PVT1: variants seen among roughly 807,000 people sequenced by gnomAD.
PVT1 encodes Pvt1 oncogene.
rs1206004213 is a variant in PVT1, at chr8:127,982,680, A to AATT, written n.783-6481_783-6480insTTA. On this transcript the variant is annotated intron_variant and non_coding_transcript_variant, in intron 3 of 10. Transcript: ENST00000651587. The stretch of plus-strand genomic sequence containing the variant: ...TTAATTAATTAATTAATTAATTAAT[A>AATT]AAATAAATGAATCAATTAAAAGAAT... Among the ~76,000 whole-genome samples, 282 of 109,990 alleles carry AATT rather than the reference A, an allele frequency of 2.6e-3. 1 individual carries two copies. The highest frequency in any genetic ancestry group is 3.3e-3 in the African/African-American group (52 of 15,922). 72.2% of individuals were successfully genotyped at this position (109,990 alleles called of 152,430 possible). A position where few individuals can be genotyped will look rare whatever the true frequency, so the allele number is the denominator to read the frequency against.
At chr8:128,002,416 G>C (rs1266169908) in intron 4 of PVT1, among the ~76,000 whole-genome samples, 3 of 152,134 alleles carry the variant, frequency 2.0e-5, no homozygotes, top group Non-Finnish European at 4.4e-5. Flanking sequence ...TAGTTTCCTA[G>C]AGCTGCTATA....
intron 4 of PVT1, among the ~76,000 whole-genome samples, chr8:128,025,847 A>T (rs1176298861): frequency 6.6e-6 from 1 of 152,194 alleles, no homozygotes; most frequent in African/African-American, 2.4e-5. Flanking sequence ...CAGGTGAGGC[A>T]ACTGAGGCCA....
chr8:127,858,802 ATTCTTTTTTT>A (rs1414886126), intron 2 of PVT1, among the ~76,000 whole-genome samples: 1 of 38,362 alleles, frequency 2.6e-5, no homozygotes, highest in East Asian at 7.1e-4. Flanking sequence ...ACACTTGAAG[ATTCTTTTTTT>A]TTTTTTTTTT....
chr8:128,028,749 G>A (rs555688831), intron 4 of PVT1, among the ~76,000 whole-genome samples: 94 of 152,302 alleles, frequency 6.2e-4, no homozygotes, highest in Non-Finnish European at 1.1e-3. Context: ...GTTAATATGT[G>A]GGGGATCATC....
intron 2 of PVT1, among the ~76,000 whole-genome samples, chr8:127,854,426 G>T (rs1260445219): frequency 6.6e-6 from 1 of 152,202 alleles, no homozygotes; most frequent in Non-Finnish European, 1.5e-5. Context: ...ACTGGACAGT[G>T]AGTGCCTTGT....
intron 3 of PVT1, among the ~76,000 whole-genome samples, chr8:127,939,317 T>C (rs1816315937): frequency 6.6e-6 from 1 of 152,164 alleles, no homozygotes; most frequent in African/African-American, 2.4e-5. Flanking sequence ...GATGGGGGCC[T>C]ACGACCGCAG....
chr8:128,021,857 C>T (rs370392983), intron 4 of PVT1, among the ~76,000 whole-genome samples: 1 of 152,112 alleles, frequency 6.6e-6, no homozygotes, highest in African/African-American at 2.4e-5. Flanking sequence ...TGGCATGCAT[C>T]AGTATGTTTG....
chr8:128,077,882 T>C (rs1271369992), intron 5 of PVT1, among the ~76,000 whole-genome samples: 1 of 152,258 alleles, frequency 6.6e-6, no homozygotes, highest in Non-Finnish European at 1.5e-5. Context: ...GATTCACAGA[T>C]ACTTGATCTG....
At chr8:128,033,584 G>T (rs1232342723) in intron 4 of PVT1, among the ~76,000 whole-genome samples, 1 of 152,206 alleles carries the variant, frequency 6.6e-6, no homozygotes, top group Non-Finnish European at 1.5e-5. Context: ...GTCTTCAGAA[G>T]AAGGTCTTTT....
chr8:127,820,261 GCAAACATACA>G (rs1173275331), intron 2 of PVT1, among the ~76,000 whole-genome samples: 2 of 152,090 alleles, frequency 1.3e-5, no homozygotes, highest in African/African-American at 4.8e-5. Flanking sequence ...GGGGCCAAGG[GCAAACATACA>G]CCCCTCCCAG....
intron 4 of PVT1, among the ~76,000 whole-genome samples, chr8:128,003,823 C>T (rs968596527): frequency 6.6e-6 from 1 of 152,218 alleles, no homozygotes; most frequent in Non-Finnish European, 1.5e-5. Context: ...ATTTATGAAG[C>T]GTCTCTGTCT....
chr8:128,094,896 T>C (rs143011390), intron 5 of PVT1, among the ~76,000 whole-genome samples: 1 of 152,282 alleles, frequency 6.6e-6, no homozygotes, highest in East Asian at 1.9e-4. Flanking sequence ...TATGGGACTG[T>C]TGGTGGACAG....
intron 2 of PVT1, among the ~76,000 whole-genome samples, chr8:127,796,978 A>G (rs1176349293): frequency 6.7e-6 from 1 of 150,022 alleles, no homozygotes; most frequent in Non-Finnish European, 1.5e-5. Context: ...TCCCAGGTTC[A>G]AGCGATTCTC....
At chr8:127,809,396 C>T (rs1811494489) in intron 2 of PVT1, among the ~76,000 whole-genome samples, 1 of 152,136 alleles carries the variant, frequency 6.6e-6, no homozygotes, top group African/African-American at 2.4e-5. Context: ...TAGGGTCTCA[C>T]TTTGTTGTCC....
chr8:127,954,678 A>G (rs1216497225), intron 3 of PVT1, among the ~76,000 whole-genome samples: 1 of 152,146 alleles, frequency 6.6e-6, no homozygotes, highest in Non-Finnish European at 1.5e-5. Context: ...GAGCAGGTGA[A>G]CAAACTGAGG....
At chr8:127,885,927 G>A (rs901985432) in intron 2 of PVT1, among the ~76,000 whole-genome samples, 2 of 151,966 alleles carry the variant, frequency 1.3e-5, no homozygotes, top group African/African-American at 4.8e-5. Context: ...AAAGCTTTCA[G>A]GTAGATTTAA....
intron 3 of PVT1, among the ~76,000 whole-genome samples, chr8:127,966,124 T>C (rs1335974859): frequency 6.6e-6 from 1 of 152,248 alleles, no homozygotes; most frequent in African/African-American, 2.4e-5. Context: ...ATGTAGCTGA[T>C]GGTTTCATAA....
chr8:128,064,330 G>T (rs1264090193), intron 4 of PVT1, among the ~76,000 whole-genome samples: 2 of 152,250 alleles, frequency 1.3e-5, no homozygotes, highest in Non-Finnish European at 2.9e-5. Flanking sequence ...GGTGGAACGT[G>T]TGGGCTCACG....
chr8:128,041,065 C>T (rs1813526561), intron 4 of PVT1, among the ~76,000 whole-genome samples: 3 of 129,640 alleles, frequency 2.3e-5, no homozygotes, highest in South Asian at 2.6e-4. Flanking sequence ...GTGTTTTGTG[C>T]TTGTGTGTAT....
Sources: allele counts gnomAD v4.1 joint callset (sites outside exome capture counted in the v4.1 genomes callset), GRCh38; gene constraint gnomAD v4.1.1; transcripts MANE v1.5; gene names NCBI Gene and HGNC (gene_info 2026-07-23, HGNC 2026-07-21).